The following CRACDL variants were observed in gnomAD, a reference collection of about 807,000 sequenced individuals.
The protein encoded by CRACDL is CRACD-like protein.
A neutral mutation model predicts 70.6 loss-of-function variants in CRACDL; 26 were observed. That is an observed-to-expected ratio of 0.37 (90% CI 0.27 to 0.51). The LOEUF is 0.51. Ranked by LOEUF, CRACDL falls within the 20% of genes least tolerant of loss-of-function variation. The pLI, the probability that CRACDL is intolerant of heterozygous loss-of-function variation, is 0.94. For synonymous variants in CRACDL, 618 were observed against 615.2 expected (o/e 1.00, Z -0.07); for missense variants, 1,283 against 1,376.9 (o/e 0.93, Z 1.08).
At chr2:98,927,452 T>C (rs1436472555) in intron 1 of CRACDL, among the ~76,000 whole-genome samples, 1 of 149,972 alleles carries the variant, frequency 6.7e-6, no homozygotes, top group East Asian at 2.0e-4. Flanking sequence ...GTAACACAGA[T>C]GCTGCCAACC....
At chr2:98,797,611 C>T (rs1188344294) in intron 7 of CRACDL, 74 bp from the exon 8 acceptor site, 4 of 1,399,002 alleles carry the variant, frequency 2.9e-6, no homozygotes, top group East Asian at 4.6e-5. Flanking sequence ...GTCTCCTGCA[C>T]AGAGAACACT....
intron 3 of CRACDL, 105 bp downstream of exon 3, chr2:98,838,014 G>GA (rs1705869740): frequency 1.0e-6 from 1 of 956,906 alleles, no homozygotes; most frequent in Non-Finnish European, 1.5e-6. Flanking sequence ...ACCTCTAATG[G>GA]AATTACCCAG....
chr2:98,898,387 A>C (rs1253958256), intron 1 of CRACDL, among the ~76,000 whole-genome samples: 1 of 152,272 alleles, frequency 6.6e-6, no homozygotes, highest in Non-Finnish European at 1.5e-5. Context: ...GTCATGTGAC[A>C]AGTGACAAAT....
At chr2:98,931,461 T>C (rs1235748920) in intron 1 of CRACDL, among the ~76,000 whole-genome samples, 1 of 152,162 alleles carries the variant, frequency 6.6e-6, no homozygotes. Flanking sequence ...AGTAGTTTCT[T>C]GGAAACTGCA....
chr2:98,854,757 G>C (rs1250442135), intron 1 of CRACDL, among the ~76,000 whole-genome samples: 2 of 152,162 alleles, frequency 1.3e-5, no homozygotes, highest in Admixed American at 6.5e-5. Context: ...ACCCAAATGA[G>C]AGACATTCTG....
At chr2:98,826,221 A>C (rs1705294876) in intron 6 of CRACDL, among the ~76,000 whole-genome samples, 1 of 152,198 alleles carries the variant, frequency 6.6e-6, no homozygotes, top group Non-Finnish European at 1.5e-5. Context: ...ACACCCAAAG[A>C]GGGGTCTGTC....
chr2:98,815,377 T>C (rs1312890215), intron 7 of CRACDL, among the ~76,000 whole-genome samples: 1 of 152,210 alleles, frequency 6.6e-6, no homozygotes, highest in Non-Finnish European at 1.5e-5. Flanking sequence ...CAGAACTTCA[T>C]ACACACATTT....
intron 1 of CRACDL, among the ~76,000 whole-genome samples, chr2:98,889,076 C>T (rs1350291728): frequency 2.7e-5 from 4 of 147,668 alleles, no homozygotes; most frequent in African/African-American, 1.0e-4. Flanking sequence ...TGCAGAGAGC[C>T]GAGATCATGC....
At chr2:98,874,754 C>T (rs114383807) in intron 1 of CRACDL, among the ~76,000 whole-genome samples, 1,989 of 152,286 alleles carry the variant, frequency 0.013, 57 homozygotes, top group African/African-American at 0.045. Flanking sequence ...ACCCCACCAC[C>T]CCACCATTAG....
At chr2:98,880,161 C>T (rs1707605865) in intron 1 of CRACDL, among the ~76,000 whole-genome samples, 1 of 152,204 alleles carries the variant, frequency 6.6e-6, no homozygotes, top group Non-Finnish European at 1.5e-5. Flanking sequence ...ATGTTGGACG[C>T]AGCACTGGGC....
At chr2:98,848,997 AG>A (rs1214253620) in intron 1 of CRACDL, among the ~76,000 whole-genome samples, 3 of 152,314 alleles carry the variant, frequency 2.0e-5, no homozygotes, top group African/African-American at 7.2e-5. Flanking sequence ...GGTGCTTCTG[AG>A]GCACTGGGAT....
intron 1 of CRACDL, among the ~76,000 whole-genome samples, chr2:98,913,349 G>A (rs1265329069): frequency 6.6e-6 from 1 of 152,194 alleles, no homozygotes; most frequent in Non-Finnish European, 1.5e-5. Context: ...GGGAAGGGAA[G>A]AGAGCTGGCA....
Position 98,823,642 on chromosome 2 carries a change from C to G in CRACDL, c.736-105G>C, listed in dbSNP as rs1289974289. ...TTATAATGGTTTAGTGATAGCAGCACTATAAAGCTGGCACTTAAGTAGGCA... is the reference window on the plus strand; with the variant it reads ...TTATAATGGTTTAGTGATAGCAGCAGTATAAAGCTGGCACTTAAGTAGGCA... On this transcript the variant is annotated intron_variant, in intron 6 of 9. Coordinates refer to ENST00000397899, the MANE Select transcript of CRACDL (RefSeq NM_207362.3). This position sits in a 1 kb window ranked among gnomAD's most constrained non-coding sequence, Gnocchi z 4.0. 1.4e-6 allele frequency: 2 copies of G among 1,406,738 alleles called. No individual in the cohort carries two copies. The highest frequency in any genetic ancestry group is 1.4e-5 in the African/African-American group (1 of 69,924). 87.1% of individuals were successfully genotyped at this position (1,406,738 alleles called of 1,614,324 possible).
At chr2:98,922,125 G>T (rs1300143628) in intron 1 of CRACDL, among the ~76,000 whole-genome samples, 1 of 152,078 alleles carries the variant, frequency 6.6e-6, no homozygotes. Flanking sequence ...ACAGCTCAGT[G>T]TTTATCTTCC....
chr2:98,834,202 T>G (rs993011593), intron 3 of CRACDL, among the ~76,000 whole-genome samples: 2 of 152,168 alleles, frequency 1.3e-5, no homozygotes, highest in African/African-American at 4.8e-5. Flanking sequence ...CACCTCCGCT[T>G]TGGATGTAAT....
At chr2:98,913,517 G>T (rs976074747) in intron 1 of CRACDL, among the ~76,000 whole-genome samples, 1 of 152,146 alleles carries the variant, frequency 6.6e-6, no homozygotes, top group Non-Finnish European at 1.5e-5. Context: ...GACACAAGAA[G>T]CACTGTGGTC....
intron 1 of CRACDL, among the ~76,000 whole-genome samples, chr2:98,891,396 A>AAAAAAAAAAAAAAAAAAAAAAAC (rs1707976640): frequency 6.7e-6 from 1 of 150,334 alleles, no homozygotes; most frequent in African/African-American, 2.4e-5. Flanking sequence ...AAAAAAAAAA[A>AAAAAAAAAAAAAAAAAAAAAAAC]AAAAAAAAAT....
chr2:98,884,956 A>G (rs1707763593), intron 1 of CRACDL, among the ~76,000 whole-genome samples: 1 of 152,200 alleles, frequency 6.6e-6, no homozygotes, highest in Non-Finnish European at 1.5e-5. Context: ...GGCCTTCCAG[A>G]GAGTGCAGTC....
At chr2:98,926,465 A>G (rs772944679) in intron 1 of CRACDL, among the ~76,000 whole-genome samples, 105 of 152,300 alleles carry the variant, frequency 6.9e-4, no homozygotes, top group Non-Finnish European at 1.3e-3. Context: ...CCATCTCTGA[A>G]GGGGTGACAT....
Sources: gnomAD v4.1 joint callset for allele counts (sites outside exome capture counted in the v4.1 genomes callset) on GRCh38, gnomAD v4.1.1 for gene constraint, Gnocchi (gnomAD v3.1) non-coding constraint, MANE v1.5 for transcripts, NCBI Gene and HGNC (gene_info 2026-07-23, HGNC 2026-07-21) for gene names.